TMEM132D: variants seen among roughly 807,000 people sequenced by gnomAD.
TMEM132D encodes transmembrane protein 132D.
In TMEM132D, 21 loss-of-function variants were observed where a neutral mutation model predicts 62.3. The ratio of observed to expected loss-of-function variants is 0.34; its 90% CI spans 0.24 to 0.49. TMEM132D has a LOEUF of 0.49. Ranked by LOEUF, TMEM132D falls within the 20% of genes least tolerant of loss-of-function variation. The pLI, the probability that TMEM132D is intolerant of heterozygous loss-of-function variation, is 0.99. For synonymous variants in TMEM132D, 621 were observed against 575.6 expected (o/e 1.08, Z -1.13); for missense variants, 1,346 against 1,402.8 (o/e 0.96, Z 0.65).
intron 5 of TMEM132D, among the ~76,000 whole-genome samples, chr12:129,115,232 C>T (rs562481569): frequency 2.2e-4 from 33 of 152,318 alleles, no homozygotes; most frequent in African/African-American, 7.7e-4. Flanking sequence ...TAGGATAAGA[C>T]ATCAAATTCT....
chr12:129,833,049 G>A lies in TMEM132D; in HGVS notation c.79+70212C>T, dbSNP rs150724687. Among the ~76,000 whole-genome samples the A allele has an allele frequency of 4.7e-3, 718 of 152,304 alleles. 6 individuals carry two copies. The highest frequency in any genetic ancestry group is 0.017 in the African/African-American group (692 of 41,564). On this transcript the variant is annotated intron_variant, in intron 1 of 8. Coordinates refer to ENST00000422113, the MANE Select transcript of TMEM132D (RefSeq NM_133448.3). Reference sequence around the variant, plus strand: ...TCGCAAATTACAAATGCCTCTGGCCGATGTCCAGACTTTGACCTTGAAGAT... The same window carrying A: ...TCGCAAATTACAAATGCCTCTGGCCAATGTCCAGACTTTGACCTTGAAGAT...
In TMEM132D at chr12:129,545,839, G is replaced by A. The variant is rs761036438; in HGVS notation, c.969-14634C>T. The stretch of plus-strand genomic sequence containing the variant: ...TTCAATAGGGTAGTTCCACTCTGGT[G>A]AGAACACTTGGTTTAACTCTTCAGG... On this transcript the variant is annotated intron_variant, in intron 2 of 8. Coordinates refer to ENST00000422113, the MANE Select transcript of TMEM132D (RefSeq NM_133448.3). 7.6e-4 allele frequency among the ~76,000 whole-genome samples: 116 copies of A among 152,206 alleles called. 3 individuals are homozygous for A. The highest frequency in any genetic ancestry group is 1.3e-4 in the Admixed American group (2 of 15,282).
chr12:129,543,486 A>C (rs1353009391), intron 2 of TMEM132D, among the ~76,000 whole-genome samples: 1 of 152,228 alleles, frequency 6.6e-6, no homozygotes, highest in Non-Finnish European at 1.5e-5. Context: ...AAATATCATA[A>C]TTGAAAATGC....
intron 1 of TMEM132D, among the ~76,000 whole-genome samples, chr12:129,868,655 T>G (rs1354452756): frequency 6.6e-6 from 1 of 152,180 alleles, no homozygotes; most frequent in Non-Finnish European, 1.5e-5. Flanking sequence ...ATCTGCACAT[T>G]CAGGTGCTTC....
chr12:129,454,534 C>A (rs1873398549), intron 3 of TMEM132D, among the ~76,000 whole-genome samples: 1 of 152,116 alleles, frequency 6.6e-6, no homozygotes, highest in African/African-American at 2.4e-5. Flanking sequence ...CTAAGGCATC[C>A]AAGACACAAT....
intron 3 of TMEM132D, among the ~76,000 whole-genome samples, chr12:129,442,325 A>G (rs1368685036): frequency 1.3e-5 from 2 of 152,184 alleles, no homozygotes; most frequent in Non-Finnish European, 2.9e-5. Context: ...CTGGTCCTAC[A>G]TCTACCCAGG....
intron 2 of TMEM132D, among the ~76,000 whole-genome samples, chr12:129,585,813 GCA>G (rs1565913170): frequency 2.9e-5 from 3 of 103,388 alleles, no homozygotes; most frequent in African/African-American, 1.3e-4. Context: ...AGATATGCAT[GCA>G]TGTGTGTGTG....
chr12:129,580,186 C>T (rs1877804050), intron 2 of TMEM132D, among the ~76,000 whole-genome samples: 1 of 152,148 alleles, frequency 6.6e-6, no homozygotes, highest in African/African-American at 2.4e-5. Flanking sequence ...ACTTACTCCT[C>T]CACCTTTCTG....
At chr12:129,264,544 T>C (rs1163922684) in intron 4 of TMEM132D, among the ~76,000 whole-genome samples, 1 of 152,218 alleles carries the variant, frequency 6.6e-6, no homozygotes, top group Non-Finnish European at 1.5e-5. Flanking sequence ...AACTACCATT[T>C]GATCCAGCAA....
At chr12:129,373,899 T>G (rs760882507) in intron 3 of TMEM132D, among the ~76,000 whole-genome samples, 2 of 152,168 alleles carry the variant, frequency 1.3e-5, no homozygotes, top group Non-Finnish European at 2.9e-5. Context: ...TTTCCTTTGC[T>G]GCATTGGGGC....
At chr12:129,724,285 G>A (rs1413876221) in intron 1 of TMEM132D, among the ~76,000 whole-genome samples, 1 of 152,188 alleles carries the variant, frequency 6.6e-6, no homozygotes, top group Admixed American at 6.5e-5. Flanking sequence ...CATCCCATGA[G>A]AGAGATTTGA....
intron 3 of TMEM132D, among the ~76,000 whole-genome samples, chr12:129,528,594 C>T (rs1876125646): frequency 6.6e-6 from 1 of 152,200 alleles, no homozygotes. Context: ...CAAAAGTACC[C>T]TTCTCTGGGT....
intron 1 of TMEM132D, among the ~76,000 whole-genome samples, chr12:129,741,345 T>C (rs1197132235): frequency 3.9e-5 from 6 of 152,212 alleles, no homozygotes; most frequent in Admixed American, 2.6e-4. Context: ...GATTGTTTCA[T>C]TGGACGTGTT....
At chr12:129,578,703 G>A (rs889656066) in intron 2 of TMEM132D, among the ~76,000 whole-genome samples, 3 of 152,110 alleles carry the variant, frequency 2.0e-5, no homozygotes, top group Non-Finnish European at 2.9e-5. Context: ...AGCTAATGGT[G>A]TCGTTTCTGG....
intron 1 of TMEM132D, among the ~76,000 whole-genome samples, chr12:129,741,126 C>T (rs1869592394): frequency 1.3e-5 from 2 of 152,176 alleles, no homozygotes; most frequent in South Asian, 4.1e-4. Flanking sequence ...GAAATTCTGA[C>T]AGATGTTACT....
intron 1 of TMEM132D, among the ~76,000 whole-genome samples, chr12:129,883,054 G>A (rs1874648846): frequency 6.6e-6 from 1 of 152,106 alleles, no homozygotes; most frequent in Non-Finnish European, 1.5e-5. Context: ...AGGGAAAAGG[G>A]AAAGAAGGAG....
At chr12:129,678,927 AT>A (rs1220731513) in intron 2 of TMEM132D, among the ~76,000 whole-genome samples, 2 of 151,812 alleles carry the variant, frequency 1.3e-5, no homozygotes. Context: ...AAAATCTCAC[AT>A]TTTCATAGGT....
chr12:129,209,449 C>A (rs1593296938), intron 5 of TMEM132D, 71 bp downstream of exon 5: 1 of 1,587,554 alleles, frequency 6.3e-7, no homozygotes, highest in Non-Finnish European at 8.6e-7. Flanking sequence ...CCAGAGGTCC[C>A]AAGCTGGTCC....
At chr12:129,865,071 A>C (rs778850307) in intron 1 of TMEM132D, among the ~76,000 whole-genome samples, 7 of 152,202 alleles carry the variant, frequency 4.6e-5, no homozygotes, top group Non-Finnish European at 8.8e-5. Flanking sequence ...GATAATAAGC[A>C]GACACACAAA....
Sources: allele counts gnomAD v4.1 joint callset (sites outside exome capture counted in the v4.1 genomes callset), GRCh38; gene constraint gnomAD v4.1.1; transcripts MANE v1.5; gene names NCBI Gene and HGNC (gene_info 2026-07-23, HGNC 2026-07-21).